Variants in CEP128 observed in about 807,000 individuals in gnomAD.
CEP128 encodes centrosomal protein 128.
A neutral mutation model predicts 156.7 loss-of-function variants in CEP128; 132 were observed. The observed-to-expected ratio is 0.84, with a 90% confidence interval of 0.73 to 0.97. The LOEUF (loss-of-function observed/expected upper bound fraction) is 0.97, where lower values mean the gene tolerates loss of function less well. Ranked by LOEUF, CEP128 falls within the 50% of genes least tolerant of loss-of-function variation. The probability of loss-of-function intolerance (pLI) is 0.00; values close to 1 mark genes in which losing one functional copy is unlikely to be tolerated. For synonymous variants in CEP128, 469 were observed against 448.9 expected (o/e 1.04, Z -0.57); for missense variants, 1,252 against 1,281.9 (o/e 0.98, Z 0.36).
rs35203701 is a variant in CEP128, at chr14:80,520,441, C to CAAA, written c.3072+6425_3072+6427dup. Among the ~76,000 whole-genome samples the CAAA allele has an allele frequency of 7.0e-3, 1,059 of 151,210 alleles. 5 individuals are homozygous for CAAA. Among genetic ancestry groups the CAAA allele is most frequent in the Non-Finnish European group, 8.9e-3 (603 of 67,774 alleles). ...CTAAAAAAACAAACAAACAAACAAACAAAAAACAACATTCATTTACCCTAT... is the reference window on the plus strand; with the variant it reads ...CTAAAAAAACAAACAAACAAACAAACAAAAAAAAACAACATTCATTTACCCTAT... On this transcript the variant is annotated intron_variant, in intron 23 of 24. Transcript: ENST00000555265.
intron 2 of CEP128, among the ~76,000 whole-genome samples, chr14:80,948,196 G>T (rs1220228286): frequency 1.3e-5 from 2 of 152,158 alleles, no homozygotes; most frequent in African/African-American, 4.8e-5. Flanking sequence ...ATCATAAATG[G>T]TTGTTGACTT....
intron 19 of CEP128, among the ~76,000 whole-genome samples, chr14:80,626,570 T>TGGA (rs1436727871): frequency 2.7e-5 from 4 of 146,594 alleles, no homozygotes; most frequent in African/African-American, 5.2e-5. Flanking sequence ...GGAGTGAGAA[T>TGGA]GGAGGAAGGG....
At chr14:80,639,841 C>A (rs1350123920) in intron 19 of CEP128, among the ~76,000 whole-genome samples, 1 of 152,082 alleles carries the variant, frequency 6.6e-6, no homozygotes, top group Non-Finnish European at 1.5e-5. Context: ...GGTTGACTAG[C>A]AATTATTTCA....
At chr14:80,865,033 T>A (rs1167068651) in intron 8 of CEP128, among the ~76,000 whole-genome samples, 1 of 152,342 alleles carries the variant, frequency 6.6e-6, no homozygotes, top group East Asian at 1.9e-4. Flanking sequence ...AACTTATTCA[T>A]CCTACATAAG....
At chr14:80,868,010 T>C (rs1887850938) in intron 8 of CEP128, among the ~76,000 whole-genome samples, 1 of 152,052 alleles carries the variant, frequency 6.6e-6, no homozygotes, top group Non-Finnish European at 1.5e-5. Context: ...AGACTATCAG[T>C]GAATTTCTCA....
intron 21 of CEP128, among the ~76,000 whole-genome samples, chr14:80,534,439 A>G (rs534612864): frequency 6.6e-6 from 1 of 152,360 alleles, no homozygotes; most frequent in Non-Finnish European, 1.5e-5. Context: ...TACTTTGTGC[A>G]GAGTCAGGGA....
chr14:80,846,421 A>G (rs1023449484), intron 9 of CEP128, among the ~76,000 whole-genome samples: 1 of 149,606 alleles, frequency 6.7e-6, no homozygotes, highest in Admixed American at 6.8e-5. Context: ...TATAATCTCA[A>G]TAGTTACCAG....
At chr14:80,952,534 T>TA (rs1256711501) in intron 2 of CEP128, among the ~76,000 whole-genome samples, 1 of 151,946 alleles carries the variant, frequency 6.6e-6, no homozygotes, top group Non-Finnish European at 1.5e-5. Context: ...ACTACACACA[T>TA]ACAATATTAT....
rs577080636 is a variant in CEP128, at chr14:80,599,949, A to G, written c.2807-19526T>C. Among the ~76,000 whole-genome samples the G allele has an allele frequency of 3.9e-5, 6 of 152,342 alleles. 1 individual carries two copies. Among genetic ancestry groups the G allele is most frequent in the Admixed American group, 3.9e-4 (6 of 15,302 alleles). The stretch of plus-strand genomic sequence containing the variant: ...AGCAGGCAGAAGAAAAAGCCTGAAG[A>G]TATCTGTGTTTTCTTTCACATACCA... On this transcript the variant is annotated intron_variant, in intron 19 of 24. Transcript: ENST00000555265.
rs147770238 is a variant in CEP128, at chr14:80,785,448, C to A, written c.1658G>T (p.Arg553Leu). ...RKELNDVLTK[R>L]ALQEEELHSK... ...GTGAAGCTCCTCCTCCTGAAGGGCA[C>A]GCTTTGTTAGGACATCATTCAATTC... Residue 553 changes from arginine (R) to leucine (L), a missense_variant, in exon 15 of 25, where the codon CGT becomes CTT. Transcript: ENST00000555265. The A allele has an allele frequency of 1.9e-6, 3 of 1,613,966 alleles. No homozygotes were observed. Among genetic ancestry groups the A allele is most frequent in the South Asian group, 1.1e-5 (1 of 91,080 alleles).
At chr14:80,820,284 A>AT (rs1338542787) in intron 13 of CEP128, among the ~76,000 whole-genome samples, 4 of 152,176 alleles carry the variant, frequency 2.6e-5, no homozygotes, top group African/African-American at 9.7e-5. Flanking sequence ...GTTTCCTGAT[A>AT]TGCCAGTTAG....
chr14:80,680,236 G>A (rs753264174), intron 19 of CEP128, among the ~76,000 whole-genome samples: 4 of 152,168 alleles, frequency 2.6e-5, no homozygotes, highest in Admixed American at 6.5e-5. Flanking sequence ...GGCAGAGCCA[G>A]CTTGGGGACC....
chr14:80,503,930 AAACC>A lies in CEP128; in HGVS notation c.3181+978_3181+981del, dbSNP rs1184027775. On this transcript the variant is annotated intron_variant, in intron 24 of 24. Transcript: ENST00000555265. ...ATTTATTCAATGAATCCATGAATAT[AAACC>A]AGCAAAAATAAGAGTTATCACCTTT... 3.9e-5 allele frequency among the ~76,000 whole-genome samples: 6 copies of A among 152,330 alleles called. No individual in the cohort carries two copies. The East Asian group carries it at 1.2e-3, about 29-fold the overall frequency.
intron 19 of CEP128, among the ~76,000 whole-genome samples, chr14:80,623,019 T>C (rs558007786): frequency 2.0e-5 from 3 of 152,314 alleles, no homozygotes; most frequent in East Asian, 1.9e-4. Flanking sequence ...TGTATGTTTA[T>C]TGCAGCACTA....
chr14:80,862,980 A>G, intron 8 of CEP128, 107 bp from the exon 9 acceptor site: 2 of 685,456 alleles, frequency 2.9e-6, no homozygotes, highest in Non-Finnish European at 4.8e-6. Context: ...AAAGCATTTA[A>G]GATTGTTTTG....
At position 80,846,702 on chromosome 14, in the gene CEP128, T is replaced by G. The variant is rs78593701; in HGVS notation, c.763-5934A>C. Among the ~76,000 whole-genome samples, 1,345 of 152,278 alleles carry G rather than the reference T, an allele frequency of 8.8e-3. 25 individuals are homozygous for G. Among genetic ancestry groups the G allele is most frequent in the African/African-American group, 0.031 (1,292 of 41,552 alleles). On this transcript the variant is annotated intron_variant, in intron 9 of 24. Transcript: ENST00000555265. ...TTAATAGCCTTTAGTATTATTTTCT[T>G]AATAAAGTAAAAAGCTTCAGAAGAC...
intron 19 of CEP128, among the ~76,000 whole-genome samples, chr14:80,686,956 C>T (rs1029122152): frequency 1.3e-5 from 2 of 152,078 alleles, no homozygotes; most frequent in African/African-American, 2.4e-5. Context: ...ACTTAGAGAC[C>T]TCCAACGAAA....
At chr14:80,855,966 A>G (rs1409606500) in intron 9 of CEP128, among the ~76,000 whole-genome samples, 5 of 152,208 alleles carry the variant, frequency 3.3e-5, no homozygotes, top group Non-Finnish European at 5.9e-5. Context: ...TGTATTACTC[A>G]GCATCTCTGG....
At chr14:80,925,539 G>A (rs1488634515) in intron 2 of CEP128, among the ~76,000 whole-genome samples, 1 of 151,994 alleles carries the variant, frequency 6.6e-6, no homozygotes, top group African/African-American at 2.4e-5. Context: ...CTCCTTTGTA[G>A]CTAGTGTGAT....
Sources: allele counts gnomAD v4.1 joint callset (sites outside exome capture counted in the v4.1 genomes callset), GRCh38; gene constraint gnomAD v4.1.1; transcripts MANE v1.5; gene names NCBI Gene and HGNC (gene_info 2026-07-23, HGNC 2026-07-21).